The following MAGI1 variants were observed in gnomAD, a reference collection of about 807,000 sequenced individuals.
MAGI1 encodes membrane associated guanylate kinase, WW and PDZ domain containing 1.
Under a neutral mutation model 139.9 loss-of-function variants are expected in MAGI1, and 58 were observed. The observed-to-expected ratio is 0.41, with a 90% CI of 0.34 to 0.52. MAGI1 has a LOEUF of 0.52. MAGI1 is among the 20% of genes least tolerant of loss of function. MAGI1 has a pLI of 0.12. For synonymous variants in MAGI1, 812 were observed against 737.9 expected (o/e 1.10, Z -1.63); for missense variants, 1,874 against 1,901.6 (o/e 0.99, Z 0.27).
rs776179992 is a variant in MAGI1 at position 65,391,095 on chromosome 3, G to T, written c.2416+47C>A. On this transcript the variant is annotated intron_variant, in intron 14 of 22. Coordinates refer to ENST00000402939, the MANE Select transcript of MAGI1 (RefSeq NM_001033057.2). ...CAATAACCTTCAAGAGAAAGGTAGAGCCCTGCGGAGGGGTCAGGGTAAGAC... is the reference window on the plus strand; with the variant it reads ...CAATAACCTTCAAGAGAAAGGTAGATCCCTGCGGAGGGGTCAGGGTAAGAC... The T allele has an allele frequency of 3.4e-6, 5 of 1,489,656 alleles. No homozygotes were observed. In the East Asian group the frequency reaches 1.1e-4, roughly 34 times the overall value. The allele number at this position is 1,489,656 out of a possible 1,614,324, so 92.3% of individuals were successfully genotyped here. A position where few individuals can be genotyped will look rare whatever the true frequency, so the allele number is the denominator to read the frequency against.
intron 2 of MAGI1, among the ~76,000 whole-genome samples, chr3:65,513,957 G>C (rs1237429828): frequency 2.4e-5 from 2 of 84,278 alleles, no homozygotes; most frequent in Admixed American, 1.5e-4. Flanking sequence ...TACCAAAACA[G>C]AGATATAGAT....
intron 2 of MAGI1, among the ~76,000 whole-genome samples, chr3:65,588,054 G>A (rs1015151169): frequency 4.6e-5 from 7 of 152,000 alleles, no homozygotes; most frequent in African/African-American, 1.7e-4. Flanking sequence ...CTCCTTTTCT[G>A]AACAGCCCCA....
intron 1 of MAGI1, among the ~76,000 whole-genome samples, chr3:65,808,921 T>C (rs1294441992): frequency 6.6e-6 from 1 of 152,212 alleles, no homozygotes; most frequent in Non-Finnish European, 1.5e-5. Flanking sequence ...ACAGCAATGA[T>C]GTGTCTCCAT....
rs1395710056 is a variant in MAGI1, at chr3:65,355,059, C to T, written c.*1319G>A. ...CAACAGGTACAAGCAAACATTTTGG[C>T]TCAGCTAGGCAGTAATCCACTTAAA... On this transcript the variant is annotated 3_prime_UTR_variant, in exon 23 of 23. Transcript: ENST00000402939. The T allele has an allele frequency of 1.3e-5, 2 of 152,636 alleles. No individual in the cohort carries two copies. Among genetic ancestry groups the T allele is most frequent in the Non-Finnish European group, 2.9e-5 (2 of 68,038 alleles). The allele number at this position is 152,636 out of a possible 1,614,324, so 9.5% of individuals were successfully genotyped here.
chr3:65,572,147 T>C (rs186131784), intron 2 of MAGI1, among the ~76,000 whole-genome samples: 585 of 152,288 alleles, frequency 3.8e-3, no homozygotes, highest in Non-Finnish European at 6.4e-3. Context: ...TTTACAATAC[T>C]GAGCATTTAT....
At chr3:66,022,934 C>T (rs2068038653) in intron 1 of MAGI1, among the ~76,000 whole-genome samples, 1 of 152,158 alleles carries the variant, frequency 6.6e-6, no homozygotes, top group African/African-American at 2.4e-5. Context: ...GACGAAAGCA[C>T]AGAAATTTAA....
intron 2 of MAGI1, among the ~76,000 whole-genome samples, chr3:65,581,087 G>A (rs2081398469): frequency 6.6e-6 from 1 of 152,022 alleles, no homozygotes; most frequent in South Asian, 2.1e-4. Context: ...CCCTGTGCCA[G>A]CTCCCATCAC....
At chr3:65,675,891 G>C (rs1356493315) in intron 1 of MAGI1, among the ~76,000 whole-genome samples, 2 of 152,192 alleles carry the variant, frequency 1.3e-5, no homozygotes, top group African/African-American at 4.8e-5. Flanking sequence ...AGAAATGCTA[G>C]AGCACAAACA....
At chr3:65,863,511 C>T (rs1049596609) in intron 1 of MAGI1, among the ~76,000 whole-genome samples, 1 of 152,110 alleles carries the variant, frequency 6.6e-6, no homozygotes, top group Non-Finnish European at 1.5e-5. Context: ...GACTACTTGG[C>T]CTCAAATATC....
chr3:65,998,957 G>A (rs2066599204), intron 1 of MAGI1, among the ~76,000 whole-genome samples: 1 of 152,058 alleles, frequency 6.6e-6, no homozygotes, highest in Non-Finnish European at 1.5e-5. Context: ...TCTTAACAGA[G>A]AATAGAATCA....
At chr3:65,837,304 C>G (rs570038315) in intron 1 of MAGI1, among the ~76,000 whole-genome samples, 1 of 152,282 alleles carries the variant, frequency 6.6e-6, no homozygotes, top group South Asian at 2.1e-4. Flanking sequence ...CAGCAGCTGT[C>G]TGAACAACCC....
At chr3:65,946,582 G>C (rs1019035143) in intron 1 of MAGI1, among the ~76,000 whole-genome samples, 1 of 151,818 alleles carries the variant, frequency 6.6e-6, no homozygotes, top group African/African-American at 2.4e-5. Context: ...TATTTGTCTT[G>C]GCAATGGCAT....
At chr3:65,387,196 C>T in intron 14 of MAGI1, 1 of 1,614,124 alleles carries the variant, frequency 6.2e-7, no homozygotes, top group Non-Finnish European at 8.5e-7. Context: ...CTCACCCTTG[C>T]TCAATCCCGA....
At chr3:66,027,988 C>A (rs975825630) in intron 1 of MAGI1, among the ~76,000 whole-genome samples, 1 of 152,210 alleles carries the variant, frequency 6.6e-6, no homozygotes, top group Non-Finnish European at 1.5e-5. Context: ...CACTAACTGA[C>A]GTACCTCCAT....
At position 65,508,175 on chromosome 3, in the gene MAGI1, G is replaced by A. The variant is rs79250825; in HGVS notation, c.431-14544C>T. ...TCCCAGCACTTTGGGAGGCCGAGGC[G>A]GGCAGATCACAAGGTCAGGAGATCA... is the stretch of plus-strand genomic sequence containing the variant. On this transcript the variant is annotated intron_variant, in intron 2 of 22. Coordinates refer to ENST00000402939, the MANE Select transcript of MAGI1 (RefSeq NM_001033057.2). Among the ~76,000 whole-genome samples the A allele has an allele frequency of 4.0e-4, 61 of 151,758 alleles. 1 individual carries two copies. Among genetic ancestry groups the A allele is most frequent in the Admixed American group, 6.6e-4 (10 of 15,246 alleles).
At position 65,357,057 on chromosome 3, in the gene MAGI1, C is replaced by T; in HGVS notation, c.3710G>A (p.Arg1237Gln). The T allele has an allele frequency of 6.2e-6, 10 of 1,614,144 alleles. No homozygotes were observed. Among genetic ancestry groups the T allele is most frequent in the African/African-American group, 1.3e-5 (1 of 75,052 alleles). ...ACTGGACTCCAATGACGGATGCTGC[C>T]GGCGGTCGGGCCCGGCCCTCACTTC... Reference protein sequence around the residue: ...VPEVRAGPDRRQHPSLESSYP... With the variant: ...VPEVRAGPDRQQHPSLESSYP... Residue 1237 changes from arginine (R) to glutamine (Q), a missense_variant, in exon 23 of 23, where the codon CGG (arginine) becomes CAG (glutamine). By Grantham distance (43) the Arg-to-Gln change is conservative (BLOSUM62 1). Transcript: ENST00000402939.
intron 2 of MAGI1, among the ~76,000 whole-genome samples, chr3:65,600,473 G>T (rs913868572): frequency 1.7e-4 from 26 of 152,356 alleles, no homozygotes; most frequent in Non-Finnish European, 3.4e-4. Flanking sequence ...TCTCAGAGGT[G>T]TAGTATCTTG....
At chr3:65,746,354 A>G (rs2035708045) in intron 1 of MAGI1, among the ~76,000 whole-genome samples, 1 of 152,158 alleles carries the variant, frequency 6.6e-6, no homozygotes, top group African/African-American at 2.4e-5. Flanking sequence ...AATTCAATGC[A>G]TATTTTTCCC....
intron 2 of MAGI1, among the ~76,000 whole-genome samples, chr3:65,544,863 T>C (rs2079423009): frequency 6.6e-6 from 1 of 152,212 alleles, no homozygotes; most frequent in Non-Finnish European, 1.5e-5. Context: ...AATGCAAACC[T>C]GATGGGGTTA....
Sources: gnomAD v4.1 joint callset for allele counts (sites outside exome capture counted in the v4.1 genomes callset) on GRCh38, gnomAD v4.1.1 for gene constraint, MANE v1.5 for transcripts, NCBI Gene and HGNC (gene_info 2026-07-23, HGNC 2026-07-21) for gene names.